SIPA1L3: variants seen among roughly 807,000 people sequenced by gnomAD.
SIPA1L3 encodes the protein signal-induced proliferation-associated 1-like protein 3.
In SIPA1L3, 59 loss-of-function variants were observed where a neutral mutation model predicts 150.1. The observed-to-expected ratio is 0.39, with a 90% CI of 0.32 to 0.49. SIPA1L3 has a LOEUF of 0.49. Among genes scored for constraint, SIPA1L3 ranks in the 20% least tolerant of loss-of-function variants. The pLI is 0.86. For synonymous variants in SIPA1L3, 1,070 were observed against 1,077.6 expected (o/e 0.99, Z 0.14); for missense variants, 2,211 against 2,489.5 (o/e 0.89, Z 2.38).
At chr19:38,061,695 C>T (rs1260809779) in intron 2 of SIPA1L3, among the ~76,000 whole-genome samples, 2 of 151,680 alleles carry the variant, frequency 1.3e-5, no homozygotes, top group African/African-American at 4.8e-5. Flanking sequence ...GGAGCAGGGA[C>T]AAGAAACATG....
Position 38,068,560 on chromosome 19 carries a change from T to A in SIPA1L3, c.-310-12696T>A, listed in dbSNP as rs368466717. ...CTTTGCCTCATCTGTAAGATGGTCATGATGGAAGTCCCTACTTGGCAGGGC... is the reference window on the plus strand; with the variant it reads ...CTTTGCCTCATCTGTAAGATGGTCAAGATGGAAGTCCCTACTTGGCAGGGC... On this transcript the variant is annotated intron_variant, in intron 2 of 21. Coordinates refer to ENST00000222345, the MANE Select transcript of SIPA1L3 (RefSeq NM_015073.3). Among the ~76,000 whole-genome samples, 36 of 152,212 alleles carry A rather than the reference T, an allele frequency of 2.4e-4. No individual in the cohort carries two copies. The East Asian group carries it at 5.6e-3, about 24-fold the overall frequency.
intron 1 of SIPA1L3, among the ~76,000 whole-genome samples, chr19:37,952,345 A>C (rs947383846): frequency 6.6e-6 from 1 of 151,972 alleles, no homozygotes; most frequent in African/African-American, 2.4e-5. Flanking sequence ...GTAATACAGT[A>C]ATTTTAGTGG....
chr19:38,050,659 A>G (rs903454972), intron 2 of SIPA1L3, among the ~76,000 whole-genome samples: 1 of 152,192 alleles, frequency 6.6e-6, no homozygotes, highest in East Asian at 1.9e-4. Flanking sequence ...AAGAGACAAT[A>G]TAGTCAAAGT....
chr19:38,173,823 C>G (rs1365531940), intron 15 of SIPA1L3, among the ~76,000 whole-genome samples: 4 of 152,152 alleles, frequency 2.6e-5, no homozygotes, highest in Non-Finnish European at 4.4e-5. Context: ...GTGCGGAAGC[C>G]AGGCAGAGAT....
intron 2 of SIPA1L3, among the ~76,000 whole-genome samples, chr19:38,052,948 T>C (rs1969231284): frequency 6.6e-6 from 1 of 152,124 alleles, no homozygotes; most frequent in Non-Finnish European, 1.5e-5. Flanking sequence ...GAGTTCTGGG[T>C]GCTGGAGTAT....
intron 2 of SIPA1L3, among the ~76,000 whole-genome samples, chr19:38,030,623 A>AATACAT (rs1250170240): frequency 0.01 from 443 of 42,620 alleles, 55 homozygotes; most frequent in Middle Eastern, 0.06. Context: ...ATATGTGGCA[A>AATACAT]ATATATATAT....
At chr19:38,161,046 T>C (rs1319493998) in intron 13 of SIPA1L3, among the ~76,000 whole-genome samples, 1 of 152,122 alleles carries the variant, frequency 6.6e-6, no homozygotes, top group Non-Finnish European at 1.5e-5. Flanking sequence ...CATTTTTGTT[T>C]TTTAAAAAAG....
At chr19:38,006,951 C>T (rs375300072) in intron 1 of SIPA1L3, among the ~76,000 whole-genome samples, 3 of 152,174 alleles carry the variant, frequency 2.0e-5, no homozygotes, top group African/African-American at 7.2e-5. Context: ...GTCTGTGCAG[C>T]GGAATACCAT....
At chr19:37,994,670 A>G (rs2145642548) in intron 1 of SIPA1L3, among the ~76,000 whole-genome samples, 1 of 152,304 alleles carries the variant, frequency 6.6e-6, no homozygotes, top group South Asian at 2.1e-4. Flanking sequence ...GAGCTGTGGA[A>G]TGGCCTTGAG....
chr19:37,928,182 G>A (rs965343974), intron 1 of SIPA1L3, among the ~76,000 whole-genome samples: 2 of 152,178 alleles, frequency 1.3e-5, no homozygotes, highest in Non-Finnish European at 2.9e-5. Context: ...CCCACCAACA[G>A]TGTATCAGCA....
At chr19:38,198,025 T>C (rs1973001523) in intron 18 of SIPA1L3, among the ~76,000 whole-genome samples, 1 of 152,162 alleles carries the variant, frequency 6.6e-6, no homozygotes, top group South Asian at 2.1e-4. Context: ...CTTCCTCCCT[T>C]GCTCACCCTC....
chr19:38,091,395 T>C (rs953408392), intron 4 of SIPA1L3, among the ~76,000 whole-genome samples: 1 of 152,006 alleles, frequency 6.6e-6, no homozygotes, highest in Non-Finnish European at 1.5e-5. Flanking sequence ...CAAAAATATA[T>C]ACATACACAT....
rs182152072 is a variant in SIPA1L3 at position 38,119,300 on chromosome 19, C to T, written c.2292-6C>T. 1.1e-3 allele frequency: 1,792 copies of T among 1,609,896 alleles called. 3 individuals carry two copies. The highest frequency in any genetic ancestry group is 2.4e-3 in the South Asian group (216 of 90,658). Reference sequence around the variant, plus strand: ...CCCACCATCTAAATAATCTCTCCCTCCACAGTATGGCTGTGACCCGATCCA... The same window carrying T: ...CCCACCATCTAAATAATCTCTCCCTTCACAGTATGGCTGTGACCCGATCCA... On this transcript the variant is annotated splice_region_variant and splice_polypyrimidine_tract_variant and intron_variant, in intron 8 of 21. Coordinates refer to ENST00000222345, the MANE Select transcript of SIPA1L3 (RefSeq NM_015073.3).
chr19:38,111,924 C>T (rs1284382698), intron 8 of SIPA1L3, among the ~76,000 whole-genome samples: 3 of 151,734 alleles, frequency 2.0e-5, no homozygotes, highest in South Asian at 2.1e-4. Flanking sequence ...TGCACGCATC[C>T]GTGCACACAT....
intron 1 of SIPA1L3, among the ~76,000 whole-genome samples, chr19:37,948,129 G>A (rs2046729124): frequency 6.6e-6 from 1 of 152,192 alleles, no homozygotes; most frequent in African/African-American, 2.4e-5. Context: ...CCATGGCTGG[G>A]CCAAACCAGG....
At chr19:37,928,176 C>A (rs2046523348) in intron 1 of SIPA1L3, among the ~76,000 whole-genome samples, 1 of 152,164 alleles carries the variant, frequency 6.6e-6, no homozygotes, top group African/African-American at 2.4e-5. Context: ...TACATTCCCA[C>A]CAACAGTGTA....
chr19:38,168,216 G>A (rs1048574477), intron 15 of SIPA1L3, among the ~76,000 whole-genome samples: 4 of 151,922 alleles, frequency 2.6e-5, no homozygotes, highest in Admixed American at 6.6e-5. Flanking sequence ...ATGAAACTCC[G>A]TCTCTACTAA....
intron 15 of SIPA1L3, among the ~76,000 whole-genome samples, chr19:38,166,803 C>T (rs760139232): frequency 6.6e-6 from 1 of 152,094 alleles, no homozygotes; most frequent in South Asian, 2.1e-4. Context: ...TCTCCTGTGG[C>T]GCCCTAAAGC....
intron 8 of SIPA1L3, among the ~76,000 whole-genome samples, chr19:38,117,328 A>T (rs1970909763): frequency 6.6e-6 from 1 of 152,114 alleles, no homozygotes; most frequent in Non-Finnish European, 1.5e-5. Flanking sequence ...TGCTATAAGG[A>T]TCACCTAGGG....
Sources: allele counts gnomAD v4.1 joint callset (sites outside exome capture counted in the v4.1 genomes callset), GRCh38; gene constraint gnomAD v4.1.1; transcripts MANE v1.5; gene names NCBI Gene and HGNC (gene_info 2026-07-23, HGNC 2026-07-21).